Variants in GRK1 observed in about 807,000 individuals in gnomAD.
GRK1 encodes the protein G protein-coupled receptor kinase 1, also known as rhodopsin kinase GRK1.
Under a neutral mutation model 41.7 loss-of-function variants are expected in GRK1, and 28 were observed. The ratio of observed to expected loss-of-function variants is 0.67; its 90% CI spans 0.50 to 0.92. The LOEUF (loss-of-function observed/expected upper bound fraction) is 0.92, where lower values mean the gene tolerates loss of function less well. GRK1 is among the 40% of genes least tolerant of loss of function. GRK1 has a pLI of 0.00. For synonymous variants in GRK1, 327 were observed against 286.7 expected (o/e 1.14, Z -1.42); for missense variants, 703 against 671.2 (o/e 1.05, Z -0.52).
At chr13:113,666,862 C>T (rs2049822031), upstream of GRK1, among the ~76,000 whole-genome samples, 1 of 152,180 alleles carries the variant, frequency 6.6e-6, no homozygotes, top group Middle Eastern at 3.2e-3. Context: ...GAAAAACAGC[C>T]TTTGTAAATT....
upstream of GRK1, among the ~76,000 whole-genome samples, chr13:113,663,191 A>G (rs1319079094): frequency 6.6e-6 from 1 of 152,200 alleles, no homozygotes; most frequent in Non-Finnish European, 1.5e-5. Flanking sequence ...GACCCACACA[A>G]TATGTGCAAC....
upstream of GRK1, among the ~76,000 whole-genome samples, chr13:113,665,309 C>A (rs2049810308): frequency 6.6e-6 from 1 of 152,192 alleles, no homozygotes; most frequent in South Asian, 2.1e-4. Context: ...AGCTGACAAT[C>A]CTATTGGTGT....
the GRK1 span, chr13:113,649,630 C>T: frequency 4.4e-6 from 6 of 1,364,496 alleles, no homozygotes; most frequent in East Asian, 1.6e-4. This position sits in a 1 kb window ranked among gnomAD's most constrained non-coding sequence, Gnocchi z 4.7. Flanking sequence ...CAGGTTGGTG[C>T]AGAGAAGCAG....
intron 4 of GRK1, among the ~76,000 whole-genome samples, chr13:113,727,452 C>T (rs1427352515): frequency 4.6e-5 from 7 of 151,992 alleles, no homozygotes; most frequent in Non-Finnish European, 8.8e-5. Context: ...GGGCTGTGGA[C>T]AGCAGCCTGT....
chr13:113,727,881 T>C (rs371753853), intron 4 of GRK1, among the ~76,000 whole-genome samples: 1 of 43,822 alleles, frequency 2.3e-5, no homozygotes, highest in African/African-American at 6.9e-5. Flanking sequence ...GAGTACCCAT[T>C]GCGATGAGGA....
intron 6 of GRK1, among the ~76,000 whole-genome samples, chr13:113,733,780 T>G (rs1204977505): frequency 7.0e-5 from 10 of 143,326 alleles, no homozygotes; most frequent in Non-Finnish European, 1.5e-5. Context: ...TGTGCATACG[T>G]GTGTGCATGT....
intron 2 of GRK1, among the ~76,000 whole-genome samples, chr13:113,670,652 G>A (rs573642160): frequency 2.7e-5 from 4 of 148,330 alleles, no homozygotes; most frequent in East Asian, 4.1e-4. Context: ...GCACTGGGAA[G>A]CGCAGACACA....
rs2049859223 is a variant in GRK1, at chr13:113,671,680, G to A, written c.985+24G>A. On this transcript the variant is annotated intron_variant, in intron 3 of 6. Transcript: ENST00000335678. The surrounding 1 kb of genome is among the most constrained non-coding windows in gnomAD (Gnocchi z 4.1). Reference sequence around the variant, plus strand: ...CGGTAGGAGGTGCCCTCGGCTGGGAGGGATGAGGGCTACGAGGAGGGCGGG... The same window carrying A: ...CGGTAGGAGGTGCCCTCGGCTGGGAAGGATGAGGGCTACGAGGAGGGCGGG... 5 of 732,030 alleles carry A rather than the reference G, an allele frequency of 6.8e-6. No homozygotes were observed. Among genetic ancestry groups the A allele is most frequent in the African/African-American group, 5.2e-5 (3 of 58,240 alleles). The allele number at this position is 732,030 out of a possible 1,614,324, so 45.3% of individuals were successfully genotyped here.
chr13:113,729,812 TGCCACG>T (rs2049920638), intron 4 of GRK1, among the ~76,000 whole-genome samples: 2 of 135,888 alleles, frequency 1.5e-5, no homozygotes, highest in Middle Eastern at 5.1e-3. Flanking sequence ...CCGAGACAGT[TGCCACG>T]GCTGAGCCCA....
chr13:113,733,543 GTGTGCGCGCA>G (rs2140734242), intron 6 of GRK1, among the ~76,000 whole-genome samples: 1 of 131,910 alleles, frequency 7.6e-6, no homozygotes, highest in South Asian at 2.2e-4. Flanking sequence ...GTGTGCATGC[GTGTGCGCGCA>G]CGTGTGTCCA....
chr13:113,732,941 A>G lies in GRK1; in HGVS notation c.1252A>G (p.Lys418Glu). ...CTCAGAGCCCGTGAAGTACCCTGAT[A>G]AGTTCAGCCAGGCCAGCAAGGACTT... ...IISEPVKYPD[K>E]FSQASKDFCE... The change falls in exon 6 of 7, where the codon AAG (lysine) becomes GAG (glutamate). Residue 418 changes from lysine (K) to glutamate (E), a missense_variant. Coordinates refer to ENST00000335678, the MANE Select transcript of GRK1 (RefSeq NM_002929.3). 1 of 1,536,926 alleles carries G rather than the reference A, an allele frequency of 6.5e-7. No individual in the cohort carries two copies. Among genetic ancestry groups the G allele is most frequent in the Non-Finnish European group, 8.7e-7 (1 of 1,146,890 alleles).
At chr13:113,733,545 G>T (rs367953261) in intron 6 of GRK1, among the ~76,000 whole-genome samples, 1 of 151,584 alleles carries the variant, frequency 6.6e-6, no homozygotes, top group South Asian at 2.1e-4. Flanking sequence ...GTGCATGCGT[G>T]TGCGCGCACG....
intron 1 of GRK1, 173 bp from the exon 2 acceptor site, chr13:113,669,514 C>T (rs775296921): frequency 2.3e-5 from 5 of 220,178 alleles, no homozygotes; most frequent in Non-Finnish European, 3.8e-5. Context: ...AATGGGGGTG[C>T]AGGCATGTTT....
At position 113,671,714 on chromosome 13, in the gene GRK1, T is replaced by C. The variant is rs2049859419; in HGVS notation, c.985+58T>C. 1.4e-6 allele frequency: 1 copy of C among 700,460 alleles called. No homozygotes were observed. Among genetic ancestry groups the C allele is most frequent in the African/African-American group, 1.8e-5 (1 of 56,632 alleles). The allele number at this position is 700,460 out of a possible 1,614,324, so 43.4% of individuals were successfully genotyped here. ...GCTACGAGGAGGGCGGGGCGCAGCT[T>C]CCTTGGGGGTCTCTGCACAACCTCA... is the stretch of plus-strand genomic sequence containing the variant. On this transcript the variant is annotated intron_variant, in intron 3 of 6. Coordinates refer to ENST00000335678, the MANE Select transcript of GRK1 (RefSeq NM_002929.3). This position sits in a 1 kb window ranked among gnomAD's most constrained non-coding sequence, Gnocchi z 4.1.
the GRK1 span, among the ~76,000 whole-genome samples, chr13:113,655,699 G>A: frequency 2.0e-5 from 3 of 152,188 alleles, no homozygotes; most frequent in South Asian, 2.1e-4. Flanking sequence ...GGAAGAGGAC[G>A]GTTTTGTGTT....
chr13:113,649,300 G>T, the GRK1 span: 2 of 1,504,370 alleles, frequency 1.3e-6, no homozygotes, highest in Non-Finnish European at 8.9e-7. The surrounding 1 kb of genome is among the most constrained non-coding windows in gnomAD (Gnocchi z 4.7). Context: ...GAACTGACGG[G>T]CAAGGTAAGC....
rs926901064 is a variant in GRK1 at position 113,672,090 on chromosome 13, C to T, written c.985+434C>T. Among the ~76,000 whole-genome samples the T allele has an allele frequency of 5.9e-3, 893 of 152,096 alleles. 10 individuals carry two copies. The highest frequency in any genetic ancestry group is 0.019 in the African/African-American group (807 of 41,456). On this transcript the variant is annotated intron_variant, in intron 3 of 6. Coordinates refer to ENST00000335678, the MANE Select transcript of GRK1 (RefSeq NM_002929.3). Reference sequence around the variant, plus strand: ...GCAACACTCACGCTCAGCTGTGGCACGGCCGGCCCTCTTCCCTACACCCTG... The same window carrying T: ...GCAACACTCACGCTCAGCTGTGGCATGGCCGGCCCTCTTCCCTACACCCTG...
chr13:113,667,257 C>T lies in GRK1; in HGVS notation c.-130C>T. ...AACCCTCGACAGGGCCAGGGCGTCTCTCTCGTCCAGCAAGGGCAGGGACGG... is the reference window on the plus strand; with the variant it reads ...AACCCTCGACAGGGCCAGGGCGTCTTTCTCGTCCAGCAAGGGCAGGGACGG... On this transcript the variant is annotated 5_prime_UTR_variant, in exon 1 of 7. Coordinates refer to ENST00000335678, the MANE Select transcript of GRK1 (RefSeq NM_002929.3). This position sits in a 1 kb window ranked among gnomAD's most constrained non-coding sequence, Gnocchi z 7.5. 2 of 939,048 alleles carry T rather than the reference C, an allele frequency of 2.1e-6. No homozygotes were observed. Among genetic ancestry groups the T allele is most frequent in the South Asian group, 3.6e-5 (2 of 55,028 alleles). The allele number at this position is 939,048 out of a possible 1,614,324, so 58.2% of individuals were successfully genotyped here. A position where few individuals can be genotyped will look rare whatever the true frequency, so the allele number is the denominator to read the frequency against.
rs1165012511 is a variant in GRK1 at position 113,733,865 on chromosome 13, G to A, written c.1396+780G>A. ...TGTGCATGTGTATGTGTGCATACGT[G>A]TGTGCGTGTGTGCATACGTGTGTGC... On this transcript the variant is annotated intron_variant, in intron 6 of 6. Coordinates refer to ENST00000335678, the MANE Select transcript of GRK1 (RefSeq NM_002929.3). Among the ~76,000 whole-genome samples the A allele has an allele frequency of 2.8e-4, 38 of 135,676 alleles. 2 individuals are homozygous for A. The highest frequency in any genetic ancestry group is 1.2e-3 in the African/African-American group (38 of 32,062). The allele number at this position is 135,676 out of a possible 152,430, so 89.0% of individuals were successfully genotyped here.
Sources: allele counts gnomAD v4.1 joint callset (sites outside exome capture counted in the v4.1 genomes callset), GRCh38; gene constraint gnomAD v4.1.1; non-coding constraint Gnocchi (gnomAD v3.1); transcripts MANE v1.5; gene names NCBI Gene and HGNC (gene_info 2026-07-23, HGNC 2026-07-21).